The following FAT1 variants were observed in gnomAD, a reference collection of about 807,000 sequenced individuals.
The protein encoded by FAT1 is FAT atypical cadherin 1, also known as protocadherin Fat 1.
FAT1 carries 171 observed loss-of-function variants against 329.8 expected under a neutral mutation model. The ratio of observed to expected loss-of-function variants is 0.52; its 90% CI spans 0.46 to 0.59. FAT1 has a LOEUF of 0.59. Among genes scored for constraint, FAT1 ranks in the 20% least tolerant of loss-of-function variants. The pLI, the probability that FAT1 is intolerant of heterozygous loss-of-function variation, is 0.00. For missense variants in FAT1, 5,672 were observed against 5,774.4 expected (o/e 0.98, Z 0.57); for synonymous variants, 2,233 against 2,228.6 (o/e 1.00, Z -0.06).
chr4:186,689,924 TAGA>T (rs1281283686), intron 2 of FAT1, among the ~76,000 whole-genome samples: 6 of 152,192 alleles, frequency 3.9e-5, no homozygotes, highest in African/African-American at 1.4e-4. Context: ...ACAAGCCCAT[TAGA>T]AGATCTCATA....
Position 186,603,690 on chromosome 4 carries a change from G to A in FAT1, c.10836C>T (p.Leu3612=). 6.2e-7 allele frequency: 1 copy of A among 1,614,002 alleles called. No homozygotes were observed. Among genetic ancestry groups the A allele is most frequent in the Non-Finnish European group, 8.5e-7 (1 of 1,179,894 alleles). The change falls in exon 19 of 27, where the codon CTC becomes CTT. Residue 3612 remains leucine (L), a synonymous_variant. Transcript: ENST00000441802. ...ACTTCCCATCTGTTACGCTGACATT[G>A]AGAAGGTATTGCCCTATGTCTAGCT... ...HKKLDIGQYL[L]NVSVTDGKFT...
intron 1 of FAT1, among the ~76,000 whole-genome samples, chr4:186,714,802 G>A (rs539803807): frequency 1.3e-4 from 20 of 152,330 alleles, no homozygotes; most frequent in Admixed American, 1.2e-3. Context: ...TAATCCAGCT[G>A]GGCGCGGTGG....
In FAT1 at chr4:186,619,065, T is replaced by C. The variant is rs1161600423; in HGVS notation, c.7521A>G (p.Leu2507=). ...YEVELAENAP[L]HTLVMEVKTT... is the part of the protein sequence containing the mutation. ...TTTTCACCTCCATCACCAGGGTATG[T>C]AGGGGAGCGTTTTCAGCTAGTTCCA... Residue 2507 remains leucine, a synonymous_variant, in exon 10 of 27, where the codon CTA becomes CTG. Transcript: ENST00000441802. The C allele has an allele frequency of 5.6e-6, 9 of 1,613,950 alleles. No individual in the cohort carries two copies. Among genetic ancestry groups the C allele is most frequent in the Admixed American group, 1.7e-5 (1 of 60,032 alleles).
At position 186,600,132 on chromosome 4, in the gene FAT1, G is replaced by A. The variant is rs750085546; in HGVS notation, c.11869C>T (p.Arg3957Cys). ...CTTCCATGCCTTGTTCCCTGCTGAC[G>A]GATGTGGCCACCAAAAAACACATAG... Reference protein sequence around the residue: ...DNYVFFGGHIRQQGTRHGRSP... With the variant: ...DNYVFFGGHICQQGTRHGRSP... The change falls in exon 22 of 27, where the codon CGT becomes TGT. Residue 3957 changes from arginine (R) to cysteine (C), a missense_variant. Around this residue, in one of 2 missense-constraint regions of FAT1, gnomAD observed 1,706 missense variants for 1,859.1 expected, o/e 0.92. Coordinates refer to ENST00000441802, the MANE Select transcript of FAT1 (RefSeq NM_005245.4). 8.7e-6 allele frequency: 14 copies of A among 1,614,020 alleles called. No homozygotes were observed. The highest frequency in any genetic ancestry group is 1.7e-5 in the Admixed American group (1 of 60,026).
chr4:186,647,599 C>CT (rs1358209272), intron 3 of FAT1, among the ~76,000 whole-genome samples: 1 of 152,214 alleles, frequency 6.6e-6, no homozygotes, highest in African/African-American at 2.4e-5. Context: ...AAGGAGTCCT[C>CT]TGGGCTCCAT....
At chr4:186,601,130 G>T in intron 21 of FAT1, 139 bp downstream of exon 21, 1 of 766,408 alleles carries the variant, frequency 1.3e-6, no homozygotes. Context: ...AACTTGTACA[G>T]GCATCAATGA....
chr4:186,596,630 C>T lies in FAT1; in HGVS notation c.12910G>A (p.Val4304Met), dbSNP rs747368128. 2.5e-6 allele frequency: 4 copies of T among 1,609,992 alleles called. No individual in the cohort carries two copies. Among genetic ancestry groups the T allele is most frequent in the Non-Finnish European group, 3.4e-6 (4 of 1,178,028 alleles). ...GHRKAVAVCS[V>M]APNLPPPPPS... ...GGTGGGGGAGGCAGGTTTGGCGCCA[C>T]GCTGCAGACCGCCACTGCTTTTCGG... Residue 4304 changes from valine (V) to methionine (M), a missense_variant, in exon 25 of 27, where the codon GTG becomes ATG. Val to Met is a conservative substitution (Grantham distance 21). Coordinates refer to ENST00000441802, the MANE Select transcript of FAT1 (RefSeq NM_005245.4). The surrounding 1 kb of genome is among the most constrained non-coding windows in gnomAD (Gnocchi z 4.7).
chr4:186,645,278 C>T (rs1212038812), intron 3 of FAT1, among the ~76,000 whole-genome samples: 1 of 148,630 alleles, frequency 6.7e-6, no homozygotes, highest in African/African-American at 2.5e-5. Context: ...CCAGCAGAAC[C>T]CTAAACTAAA....
In FAT1 at chr4:186,664,388, G is replaced by A. The variant is rs151166197; in HGVS notation, c.3266-775C>T. Among the ~76,000 whole-genome samples the A allele has an allele frequency of 3.9e-5, 6 of 152,054 alleles. No homozygotes were observed. The South Asian group carries it at 1.2e-3, about 32-fold the overall frequency. ...GAGGCCACATCATTCTTAAATACCA[G>A]TATCCGCAGCACCTTACACAAAGCA... On this transcript the variant is annotated intron_variant, in intron 2 of 26. Coordinates refer to ENST00000441802, the MANE Select transcript of FAT1 (RefSeq NM_005245.4).
chr4:186,602,820 A>G (rs1738878268), intron 20 of FAT1, 83 bp downstream of exon 20: 2 of 1,399,340 alleles, frequency 1.4e-6, no homozygotes, highest in African/African-American at 1.4e-5. Flanking sequence ...CAATATTTTT[A>G]GACTCCAATA....
chr4:186,611,250 T>C, intron 14 of FAT1, 136 bp downstream of exon 14: 1 of 711,630 alleles, frequency 1.4e-6, no homozygotes, highest in Non-Finnish European at 2.2e-6. Flanking sequence ...TGTAAATAAC[T>C]AAAAGAAAAC....
rs2126423168 is a variant in FAT1, at chr4:186,602,988, G to C, written c.11397C>G (p.Cys3799Trp). ...PVHHGCEDDP[C>W]PEGSECVSDP... ...CAGACACACATTCGGATCCCTCAGG[G>C]CACGGATCATCTTCACAGCCATGGT... Residue 3799 changes from cysteine to tryptophan, a missense_variant, in exon 20 of 27, where the codon TGC becomes TGG. This residue lies in a region of FAT1 where 1,706 missense variants were observed against 1,859.1 expected (regional missense o/e 0.92). Coordinates refer to ENST00000441802, the MANE Select transcript of FAT1 (RefSeq NM_005245.4). The C allele has an allele frequency of 6.2e-7, 1 of 1,613,896 alleles. No homozygotes were observed. Among genetic ancestry groups the C allele is most frequent in the East Asian group, 2.2e-5 (1 of 44,876 alleles).
intron 2 of FAT1, among the ~76,000 whole-genome samples, chr4:186,703,265 C>A (rs1477870094): frequency 6.6e-6 from 1 of 152,206 alleles, no homozygotes; most frequent in African/African-American, 2.4e-5. Flanking sequence ...GAACACAGAG[C>A]TAACAGGACT....
chr4:186,623,220 C>G (rs563031105), intron 9 of FAT1, among the ~76,000 whole-genome samples: 2 of 152,168 alleles, frequency 1.3e-5, no homozygotes, highest in African/African-American at 4.8e-5. Context: ...GAACCCTGGC[C>G]GAGAACTGGG....
intron 2 of FAT1, among the ~76,000 whole-genome samples, chr4:186,666,861 C>T (rs952286825): frequency 3.3e-5 from 5 of 152,202 alleles, no homozygotes; most frequent in Non-Finnish European, 7.3e-5. Context: ...AGGCACTTTC[C>T]CAGGGCCACA....
At position 186,636,759 on chromosome 4, in the gene FAT1, G is replaced by A. The variant is rs2126564132; in HGVS notation, c.3798C>T (p.Ala1266=). Residue 1266 remains alanine (A), a synonymous_variant, in exon 5 of 27, where the codon GCC becomes GCT. Transcript: ENST00000441802. The part of the protein sequence containing the change: ...EREKPDRERN[A]RREPLYHVIA... Reference sequence around the variant, plus strand: ...TGACGTGATAGAGCGGCTCCCGTCTGGCATTTCTTTCTCGGTCTGGCTTTT... The same window carrying A: ...TGACGTGATAGAGCGGCTCCCGTCTAGCATTTCTTTCTCGGTCTGGCTTTT... 3.7e-6 allele frequency: 6 copies of A among 1,613,876 alleles called. No individual in the cohort carries two copies. Among genetic ancestry groups the A allele is most frequent in the Non-Finnish European group, 5.1e-6 (6 of 1,179,852 alleles).
chr4:186,639,658 T>G, intron 4 of FAT1, 64 bp downstream of exon 4: 1 of 1,097,526 alleles, frequency 9.1e-7, no homozygotes, highest in Non-Finnish European at 1.4e-6. Context: ...GGAACAAGAT[T>G]GTTCTTTCCC....
intron 2 of FAT1, among the ~76,000 whole-genome samples, chr4:186,693,927 T>C (rs999252499): frequency 4.6e-5 from 7 of 152,164 alleles, no homozygotes; most frequent in African/African-American, 1.7e-4. Flanking sequence ...AGACTCAACC[T>C]GCCTCTCATC....
chr4:186,713,744 C>T (rs1451633044), intron 1 of FAT1, among the ~76,000 whole-genome samples: 1 of 152,168 alleles, frequency 6.6e-6, no homozygotes, highest in African/African-American at 2.4e-5. Flanking sequence ...AAGCTTTGAG[C>T]TTTCCGGGCC....
Sources: gnomAD v4.1 joint callset for allele counts (sites outside exome capture counted in the v4.1 genomes callset) on GRCh38, gnomAD v4.1.1 for gene constraint, gnomAD v4.1.1 regional missense constraint, Gnocchi (gnomAD v3.1) non-coding constraint, MANE v1.5 for transcripts, NCBI Gene and HGNC (gene_info 2026-07-23, HGNC 2026-07-21) for gene names.